Variants in ADGRD1 observed in about 807,000 individuals in gnomAD.
ADGRD1 encodes adhesion G protein-coupled receptor D1.
In ADGRD1, 77 loss-of-function variants were observed where a neutral mutation model predicts 113.4. That is an observed-to-expected ratio of 0.68 (90% CI 0.57 to 0.82). The LOEUF is 0.82. Ranked by LOEUF, ADGRD1 falls within the 40% of genes least tolerant of loss-of-function variation. The probability of loss-of-function intolerance (pLI) is 0.00; values close to 1 mark genes in which losing one functional copy is unlikely to be tolerated. For synonymous variants in ADGRD1, 474 were observed against 475.0 expected, an observed-to-expected ratio of 1.00 and a Z score of 0.03; for missense variants, 1,036 against 1,139.1, an observed-to-expected ratio of 0.91 and a Z score of 1.30.
intron 13 of ADGRD1, among the ~76,000 whole-genome samples, chr12:131,031,682 A>AG (rs375501518): frequency 1.2e-4 from 18 of 151,972 alleles, no homozygotes; most frequent in Middle Eastern, 3.4e-3. Context: ...CTGGACCCCC[A>AG]GGGCCACCTC....
At chr12:131,111,289 T>G (rs949964649) in intron 18 of ADGRD1, among the ~76,000 whole-genome samples, 10 of 151,636 alleles carry the variant, frequency 6.6e-5, no homozygotes, top group Non-Finnish European at 1.3e-4. Flanking sequence ...ACAGAGTTTC[T>G]CCATGTTGTC....
At chr12:130,958,907 C>T (rs1029172316) in intron 2 of ADGRD1, among the ~76,000 whole-genome samples, 1 of 152,208 alleles carries the variant, frequency 6.6e-6, no homozygotes. Context: ...CCTCGCACCG[C>T]GGGTGGAGAA....
intron 23 of ADGRD1, among the ~76,000 whole-genome samples, chr12:131,137,378 T>C (rs988836232): frequency 5.3e-5 from 8 of 152,202 alleles, no homozygotes; most frequent in Non-Finnish European, 1.0e-4. Context: ...AGTTTTGTGA[T>C]GTGGCCTCCT....
At chr12:131,000,036 T>C (rs1876145487) in intron 8 of ADGRD1, among the ~76,000 whole-genome samples, 1 of 152,138 alleles carries the variant, frequency 6.6e-6, no homozygotes, top group Admixed American at 6.5e-5. Flanking sequence ...CAGCAGGTCA[T>C]GATTTTCCCA....
intron 4 of ADGRD1, among the ~76,000 whole-genome samples, chr12:130,975,974 C>T (rs1262596492): frequency 6.6e-6 from 1 of 152,196 alleles, no homozygotes; most frequent in Non-Finnish European, 1.5e-5. Flanking sequence ...TTTGCTTTTT[C>T]CTCACATGCA....
chr12:131,052,732 C>T (rs1187051143), intron 13 of ADGRD1, among the ~76,000 whole-genome samples: 1 of 152,150 alleles, frequency 6.6e-6, no homozygotes, highest in Non-Finnish European at 1.5e-5. Flanking sequence ...CCAAAACAAC[C>T]CACCTCTAGG....
At chr12:131,118,577 C>T (rs1950520273) in intron 19 of ADGRD1, 126 bp downstream of exon 19, 1 of 635,146 alleles carries the variant, frequency 1.6e-6, no homozygotes, top group South Asian at 2.3e-5. Context: ...CTGGCTCCCA[C>T]AGGCCCAGCC....
chr12:131,016,399 T>C (rs1878576635), intron 13 of ADGRD1, among the ~76,000 whole-genome samples: 1 of 152,224 alleles, frequency 6.6e-6, no homozygotes, highest in Non-Finnish European at 1.5e-5. Context: ...AGTTGTGCAG[T>C]TGACATTTGT....
chr12:131,082,356 A>G (rs1216652540), intron 14 of ADGRD1, among the ~76,000 whole-genome samples: 2 of 152,234 alleles, frequency 1.3e-5, no homozygotes, highest in Non-Finnish European at 2.9e-5. Flanking sequence ...TTTATGCACA[A>G]GCTGCAAGCC....
chr12:130,961,906 G>A (rs891368684), intron 2 of ADGRD1, among the ~76,000 whole-genome samples: 4 of 152,210 alleles, frequency 2.6e-5, no homozygotes, highest in East Asian at 1.9e-4. Flanking sequence ...CTGCAGAGCC[G>A]CAATGCTTCG....
intron 13 of ADGRD1, among the ~76,000 whole-genome samples, chr12:131,037,883 G>A (rs1468839620): frequency 6.8e-6 from 1 of 146,266 alleles, no homozygotes; most frequent in Admixed American, 6.9e-5. Context: ...CTTACTCACC[G>A]CACTGAGCCT....
chr12:131,040,543 G>C (rs562539099), intron 13 of ADGRD1, among the ~76,000 whole-genome samples: 1 of 152,362 alleles, frequency 6.6e-6, no homozygotes, highest in Admixed American at 6.5e-5. Flanking sequence ...GGATCGTCCT[G>C]TGAGCACCAC....
At position 131,004,290 on chromosome 12, in the gene ADGRD1, A is replaced by G. The variant is rs1380755747; in HGVS notation, c.1249A>G (p.Arg417Gly). The G allele has an allele frequency of 6.2e-7, 1 of 1,607,608 alleles. No individual in the cohort carries two copies. Among genetic ancestry groups the G allele is most frequent in the South Asian group, 1.1e-5 (1 of 90,898 alleles). ...FIQIPHEAFH[R>G]HAWSTVVGLL... ...CCAGATCCCCCACGAGGCCTTCCAC[A>G]GGCACGGTGAGTGTGGCTGCGCTGG... Residue 417 changes from arginine to glycine, a missense_variant, in exon 11 of 25, where the codon AGG (arginine) becomes GGG (glycine). Transcript: ENST00000261654.
rs895778387 is a variant in ADGRD1 at position 131,057,174 on chromosome 12, C to G, written c.1474-19627C>G. On this transcript the variant is annotated intron_variant, in intron 13 of 24. Transcript: ENST00000261654. This position sits in a 1 kb window ranked among gnomAD's most constrained non-coding sequence, Gnocchi z 4.2. The stretch of plus-strand genomic sequence containing the variant: ...GCAGGAAATAATCACAGGCTACCCC[C>G]GCTGTGATAAACAGGTTTGAAGAAC... Among the ~76,000 whole-genome samples the G allele has an allele frequency of 5.3e-5, 8 of 152,162 alleles. No individual in the cohort carries two copies. The highest frequency in any genetic ancestry group is 8.8e-5 in the Non-Finnish European group (6 of 68,028).
chr12:131,042,610 A>T (rs1882250606), intron 13 of ADGRD1, among the ~76,000 whole-genome samples: 1 of 152,074 alleles, frequency 6.6e-6, no homozygotes. Flanking sequence ...AACTCCCACC[A>T]GGTAGCAGCC....
At chr12:131,091,363 C>T (rs990093256) in intron 15 of ADGRD1, among the ~76,000 whole-genome samples, 1 of 152,170 alleles carries the variant, frequency 6.6e-6, no homozygotes, top group African/African-American at 2.4e-5. Flanking sequence ...CATGAATAAA[C>T]ATAACACTAA....
At chr12:130,964,095 T>A (rs1870730704) in intron 2 of ADGRD1, among the ~76,000 whole-genome samples, 1 of 152,150 alleles carries the variant, frequency 6.6e-6, no homozygotes, top group Admixed American at 6.5e-5. Context: ...TTATCTCCTT[T>A]GCCTCAATAT....
chr12:131,080,390 C>G (rs914956698), intron 14 of ADGRD1, among the ~76,000 whole-genome samples: 1 of 151,244 alleles, frequency 6.6e-6, no homozygotes. Flanking sequence ...TATGACACCC[C>G]CATATATGTT....
chr12:131,122,949 C>CT (rs1950634558), intron 20 of ADGRD1, among the ~76,000 whole-genome samples: 1 of 152,058 alleles, frequency 6.6e-6, no homozygotes, highest in South Asian at 2.1e-4. Flanking sequence ...AGGGCCCCAC[C>CT]CCCTACCCCA....
Sources: allele counts gnomAD v4.1 joint callset (sites outside exome capture counted in the v4.1 genomes callset), GRCh38; gene constraint gnomAD v4.1.1; non-coding constraint Gnocchi (gnomAD v3.1); transcripts MANE v1.5; gene names NCBI Gene and HGNC (gene_info 2026-07-23, HGNC 2026-07-21).